ADAMTSL1: variants seen among roughly 807,000 people sequenced by gnomAD.
ADAMTSL1 encodes ADAMTS-like protein 1.
A neutral mutation model predicts 201.8 loss-of-function variants in ADAMTSL1; 126 were observed. The observed-to-expected ratio is 0.62, with a 90% CI of 0.54 to 0.72. The LOEUF is 0.72. Ranked by LOEUF, ADAMTSL1 falls within the 30% of genes least tolerant of loss-of-function variation. The pLI is 0.00. For missense variants in ADAMTSL1, 2,679 were observed against 2,277.8 expected (o/e 1.18, Z -3.59); for synonymous variants, 1,121 against 903.4 (o/e 1.24, Z -4.32).
intron 4 of ADAMTSL1, among the ~76,000 whole-genome samples, chr9:18,585,993 A>G (rs1197963474): frequency 6.6e-6 from 1 of 152,230 alleles, no homozygotes. Context: ...ATACTGAATG[A>G]GCAAAAGCCA....
At chr9:18,884,038 T>A (rs1828702682) in intron 23 of ADAMTSL1, among the ~76,000 whole-genome samples, 1 of 152,214 alleles carries the variant, frequency 6.6e-6, no homozygotes, top group African/African-American at 2.4e-5. Context: ...CCACTAGCAA[T>A]GCACAAGGGT....
At chr9:18,044,917 C>A (rs1189710185) in intron 1 of ADAMTSL1, among the ~76,000 whole-genome samples, 1 of 152,084 alleles carries the variant, frequency 6.6e-6, no homozygotes, top group Non-Finnish European at 1.5e-5. Context: ...TTTTCAATTA[C>A]CAAATTATTA....
intron 22 of ADAMTSL1, among the ~76,000 whole-genome samples, chr9:18,829,528 T>C (rs919243693): frequency 1.3e-5 from 2 of 152,194 alleles, no homozygotes; most frequent in Non-Finnish European, 2.9e-5. Context: ...AAAGTGTCTT[T>C]ATGATATAGT....
intron 16 of ADAMTSL1, among the ~76,000 whole-genome samples, chr9:18,766,618 T>G (rs10114552): frequency 0.013 from 1,954 of 152,252 alleles, 46 homozygotes; most frequent in African/African-American, 0.044. Context: ...GGGTAGAAAG[T>G]CCAAGGTCAG....
At chr9:18,251,758 G>T (rs1018297138) in intron 2 of ADAMTSL1, among the ~76,000 whole-genome samples, 9 of 152,132 alleles carry the variant, frequency 5.9e-5, no homozygotes, top group Non-Finnish European at 1.3e-4. Context: ...GATAGAGCTG[G>T]CACGGGCACA....
chr9:18,597,060 C>T (rs970052487), intron 4 of ADAMTSL1, among the ~76,000 whole-genome samples: 2 of 152,176 alleles, frequency 1.3e-5, no homozygotes, highest in African/African-American at 4.8e-5. Context: ...ACATATTACT[C>T]ATCTTTAGTT....
chr9:18,539,028 G>A (rs1037253518), intron 3 of ADAMTSL1, among the ~76,000 whole-genome samples: 6 of 148,148 alleles, frequency 4.1e-5, no homozygotes, highest in Middle Eastern at 3.4e-3. Context: ...TCCAGCCAAC[G>A]CTTGGCTCTT....
chr9:18,181,002 C>G (rs1326880606), intron 2 of ADAMTSL1, among the ~76,000 whole-genome samples: 2 of 152,160 alleles, frequency 1.3e-5, no homozygotes, highest in Non-Finnish European at 2.9e-5. Flanking sequence ...ACTATCTGAT[C>G]TTTGACAAAC....
At chr9:18,453,926 A>G (rs1820509135) in intron 2 of ADAMTSL1, among the ~76,000 whole-genome samples, 1 of 152,190 alleles carries the variant, frequency 6.6e-6, no homozygotes, top group Non-Finnish European at 1.5e-5. Flanking sequence ...CATTCTTATA[A>G]TTATCTTCCT....
At chr9:18,787,702 C>G (rs1821783960) in intron 19 of ADAMTSL1, among the ~76,000 whole-genome samples, 1 of 152,152 alleles carries the variant, frequency 6.6e-6, no homozygotes, top group South Asian at 2.1e-4. Flanking sequence ...TGACTATACT[C>G]AACTCTGTCA....
chr9:18,212,968 AC>A (rs1829932030), intron 2 of ADAMTSL1, among the ~76,000 whole-genome samples: 1 of 152,226 alleles, frequency 6.6e-6, no homozygotes, highest in South Asian at 2.1e-4. Context: ...AATGCAAATT[AC>A]TAGCATTTTG....
intron 1 of ADAMTSL1, among the ~76,000 whole-genome samples, chr9:17,936,139 G>C (rs1417457641): frequency 1.3e-5 from 2 of 152,004 alleles, no homozygotes; most frequent in African/African-American, 4.8e-5. Context: ...CCCTGATTTG[G>C]GGCCAACTGT....
At chr9:18,828,403 A>AAGAGGAAGTATTGAGGAGG (rs1824733347) in intron 22 of ADAMTSL1, among the ~76,000 whole-genome samples, 1 of 151,844 alleles carries the variant, frequency 6.6e-6, no homozygotes, top group Non-Finnish European at 1.5e-5. Flanking sequence ...CATGAGTTTC[A>AAGAGGAAGTATTGAGGAGG]AGAGGAAGTA....
chr9:18,828,201 A>G (rs959471084), intron 22 of ADAMTSL1, among the ~76,000 whole-genome samples: 7 of 152,196 alleles, frequency 4.6e-5, no homozygotes, highest in Non-Finnish European at 7.3e-5. Context: ...GAGAAATATA[A>G]GTGGTGGCCT....
chr9:18,116,393 T>C (rs1366227625), intron 1 of ADAMTSL1, among the ~76,000 whole-genome samples: 3 of 152,174 alleles, frequency 2.0e-5, no homozygotes, highest in African/African-American at 7.2e-5. Flanking sequence ...AACAAAATTA[T>C]TATATTTGCA....
At chr9:18,100,149 T>A (rs558714134) in intron 1 of ADAMTSL1, among the ~76,000 whole-genome samples, 1 of 152,214 alleles carries the variant, frequency 6.6e-6, no homozygotes, top group Non-Finnish European at 1.5e-5. Context: ...CAAACTGTTC[T>A]GTGGACATGT....
chr9:18,353,080 T>C (rs948588826), intron 2 of ADAMTSL1, among the ~76,000 whole-genome samples: 1 of 152,222 alleles, frequency 6.6e-6, no homozygotes, highest in Non-Finnish European at 1.5e-5. Context: ...TGGGTTCCTC[T>C]GTTATAGTGA....
chr9:18,094,766 C>T (rs1485298479), intron 1 of ADAMTSL1, among the ~76,000 whole-genome samples: 1 of 151,398 alleles, frequency 6.6e-6, no homozygotes, highest in African/African-American at 2.4e-5. Flanking sequence ...CAGGGTTTCA[C>T]CATGTTAGCC....
At chr9:18,277,104 A>G (rs1832615226) in intron 2 of ADAMTSL1, among the ~76,000 whole-genome samples, 1 of 152,246 alleles carries the variant, frequency 6.6e-6, no homozygotes, top group South Asian at 2.1e-4. Context: ...GTGGCTAGAA[A>G]AGATACTTGA....
Sources: allele counts gnomAD v4.1 joint callset (sites outside exome capture counted in the v4.1 genomes callset), GRCh38; gene constraint gnomAD v4.1.1; transcripts MANE v1.5; gene names NCBI Gene and HGNC (gene_info 2026-07-23, HGNC 2026-07-21).